Variants in CAPZB observed in about 807,000 individuals in gnomAD.
CAPZB encodes capping actin protein of muscle Z-line subunit beta.
Under a neutral mutation model 38.1 loss-of-function variants are expected in CAPZB, and 2 were observed. That is an observed-to-expected ratio of 0.05 (90% CI 0.02 to 0.17). The LOEUF is 0.17. CAPZB is among the 10% of genes least tolerant of loss of function. CAPZB has a pLI of 1.00. For synonymous variants in CAPZB, 107 were observed against 127.4 expected, an observed-to-expected ratio of 0.84 and a Z score of 1.08; for missense variants, 161 against 334.2, an observed-to-expected ratio of 0.48 and a Z score of 4.04.
At chr1:19,351,526 G>A (rs2093991583) in intron 6 of CAPZB, among the ~76,000 whole-genome samples, 1 of 152,128 alleles carries the variant, frequency 6.6e-6, no homozygotes, top group South Asian at 2.1e-4. Flanking sequence ...CTGTTGCCCA[G>A]GTTGGTCTTG....
intron 1 of CAPZB, among the ~76,000 whole-genome samples, chr1:19,429,287 A>C (rs79670912): frequency 1.1e-3 from 167 of 152,280 alleles, no homozygotes; most frequent in African/African-American, 3.5e-3. Flanking sequence ...TTCAAACAAA[A>C]AAAAAAAAGA....
At chr1:19,389,917 T>C (rs1407363170) in intron 2 of CAPZB, among the ~76,000 whole-genome samples, 1 of 152,218 alleles carries the variant, frequency 6.6e-6, no homozygotes, top group Non-Finnish European at 1.5e-5. Flanking sequence ...ATACTGCCAA[T>C]GACTTTCACC....
rs528707177 is a variant in CAPZB at position 19,361,202 on chromosome 1, C to T, written c.330-3639G>A. 5.3e-5 allele frequency among the ~76,000 whole-genome samples: 8 copies of T among 152,298 alleles called. No homozygotes were observed. The South Asian group carries it at 8.3e-4, about 16-fold the overall frequency. ...AATCTGACTTTTAATAAAGAAACAA[C>T]GGCGACAGAGTTAGAGGCGGCGTGG... On this transcript the variant is annotated intron_variant, in intron 4 of 8. Coordinates refer to ENST00000264202, the MANE Select transcript of CAPZB (RefSeq NM_004930.5).
intron 1 of CAPZB, among the ~76,000 whole-genome samples, chr1:19,462,484 A>G (rs559727663): frequency 6.6e-6 from 1 of 152,156 alleles, no homozygotes; most frequent in Admixed American, 6.5e-5. Context: ...AAAATTAAAA[A>G]AAGTCATCTG....
chr1:19,420,768 C>G (rs941816544), intron 1 of CAPZB, among the ~76,000 whole-genome samples: 2 of 152,132 alleles, frequency 1.3e-5, no homozygotes, highest in African/African-American at 4.8e-5. Context: ...TGTGCTTCAC[C>G]ATACTCTCCT....
At chr1:19,470,754 T>C (rs1002365) in intron 1 of CAPZB, among the ~76,000 whole-genome samples, 73,388 of 152,128 alleles carry the variant, frequency 0.48, 18,364 homozygotes, top group Non-Finnish European at 0.56. Context: ...CTGCCACTTA[T>C]TGGCAATTTA....
At chr1:19,369,599 G>A (rs970829042) in intron 4 of CAPZB, among the ~76,000 whole-genome samples, 3 of 152,242 alleles carry the variant, frequency 2.0e-5, no homozygotes, top group African/African-American at 7.2e-5. Flanking sequence ...CATGCCAGAA[G>A]CCAGAGACGG....
chr1:19,382,050 C>T (rs1424461098), intron 3 of CAPZB, among the ~76,000 whole-genome samples: 1 of 152,126 alleles, frequency 6.6e-6, no homozygotes, highest in African/African-American at 2.4e-5. Flanking sequence ...ACCGTTCCCA[C>T]AGTTCGATGA....
chr1:19,415,676 A>G (rs886304565), intron 2 of CAPZB, among the ~76,000 whole-genome samples: 1 of 152,236 alleles, frequency 6.6e-6, no homozygotes, highest in Admixed American at 6.5e-5. Context: ...CAGGCCATCA[A>G]TCAGAAAGTG....
At chr1:19,351,956 C>T (rs997497687) in intron 6 of CAPZB, among the ~76,000 whole-genome samples, 1 of 152,198 alleles carries the variant, frequency 6.6e-6, no homozygotes, top group African/African-American at 2.4e-5. Flanking sequence ...CACTCCACCC[C>T]AGGTCATCTG....
At chr1:19,448,924 T>C (rs757226564) in intron 1 of CAPZB, 2 of 1,612,696 alleles carry the variant, frequency 1.2e-6, no homozygotes, top group East Asian at 4.5e-5. Context: ...TTGGAGGAGG[T>C]GATGGGTTAA....
intron 2 of CAPZB, among the ~76,000 whole-genome samples, chr1:19,417,404 G>A (rs1019792992): frequency 2.0e-5 from 3 of 152,076 alleles, no homozygotes; most frequent in Admixed American, 6.5e-5. Flanking sequence ...GGAAAAACAA[G>A]CCCCTGCAGC....
chr1:19,386,539 C>T (rs1042470812), intron 2 of CAPZB, among the ~76,000 whole-genome samples: 1 of 152,208 alleles, frequency 6.6e-6, no homozygotes, highest in African/African-American at 2.4e-5. Context: ...TAACCCTTCC[C>T]AGTGGAAAAA....
chr1:19,476,400 ATGAGACCCTGTC>A (rs892323329), intron 1 of CAPZB, among the ~76,000 whole-genome samples: 8 of 152,214 alleles, frequency 5.3e-5, no homozygotes, highest in Middle Eastern at 3.4e-3. Context: ...GGGCAACAGA[ATGAGACCCTGTC>A]TCAATCAATC....
At chr1:19,445,943 T>A (rs1402146820) in intron 1 of CAPZB, among the ~76,000 whole-genome samples, 5 of 152,202 alleles carry the variant, frequency 3.3e-5, no homozygotes. Context: ...GGGCAGTCCA[T>A]GGCTTTATGC....
chr1:19,484,146 ACACCACGAGCGGAGC>A (rs1289289709), intron 1 of CAPZB: 1 of 1,586,432 alleles, frequency 6.3e-7, no homozygotes, highest in Admixed American at 1.8e-5. Context: ...ACCAAAACAA[ACACCACGAGCGGAGC>A]CAGCACTCTC....
chr1:19,364,480 C>T (rs2094072079), intron 4 of CAPZB, among the ~76,000 whole-genome samples: 2 of 152,188 alleles, frequency 1.3e-5, no homozygotes, highest in South Asian at 4.1e-4. Context: ...TACTGCCTTC[C>T]AGAATCACAA....
intron 1 of CAPZB, among the ~76,000 whole-genome samples, chr1:19,456,407 T>TA (rs869033088): frequency 6.6e-6 from 1 of 152,124 alleles, no homozygotes; most frequent in African/African-American, 2.4e-5. Context: ...ACTAGTTTTT[T>TA]AAAAAAATAA....
chr1:19,465,047 T>C (rs1027422195), intron 1 of CAPZB, among the ~76,000 whole-genome samples: 1 of 152,118 alleles, frequency 6.6e-6, no homozygotes, highest in Non-Finnish European at 1.5e-5. Flanking sequence ...AATAATACCC[T>C]GATTAAAAAC....
Sources: allele counts gnomAD v4.1 joint callset (sites outside exome capture counted in the v4.1 genomes callset), GRCh38; gene constraint gnomAD v4.1.1; transcripts MANE v1.5; gene names NCBI Gene and HGNC (gene_info 2026-07-23, HGNC 2026-07-21).